SUMF1: variants seen among roughly 807,000 people sequenced by gnomAD.
The protein encoded by SUMF1 is sulfatase modifying factor 1, also known as formylglycine-generating enzyme.
Under a neutral mutation model 47.6 loss-of-function variants are expected in SUMF1, and 48 were observed. That is an observed-to-expected ratio of 1.01 (90% CI 0.80 to 1.28). The LOEUF is 1.28. SUMF1 is among the 50% of genes most tolerant of loss of function. The pLI is 0.00. For synonymous variants in SUMF1, 230 were observed against 192.1 expected (o/e 1.20, Z -1.63); for missense variants, 571 against 485.4 (o/e 1.18, Z -1.66).
chr3:4,258,027 A>T (rs1485667519), intron 8 of SUMF1, among the ~76,000 whole-genome samples: 1 of 151,974 alleles, frequency 6.6e-6, no homozygotes, highest in Non-Finnish European at 1.5e-5. Context: ...TTCCCTATTT[A>T]ATAAATGGTG....
chr3:4,280,684 A>T (rs1259084693), intron 8 of SUMF1, among the ~76,000 whole-genome samples: 10 of 152,192 alleles, frequency 6.6e-5, no homozygotes, highest in Admixed American at 6.5e-4. Flanking sequence ...GAAGTCCAAC[A>T]TCAAGGTGCG....
At chr3:4,324,242 T>A (rs984315269) in intron 8 of SUMF1, among the ~76,000 whole-genome samples, 1 of 152,182 alleles carries the variant, frequency 6.6e-6, no homozygotes, top group Non-Finnish European at 1.5e-5. Flanking sequence ...GTCAAAGACC[T>A]ACACTGACTG....
chr3:4,310,938 CTG>C (rs1698382231), intron 8 of SUMF1, among the ~76,000 whole-genome samples: 1 of 152,202 alleles, frequency 6.6e-6, no homozygotes, highest in Non-Finnish European at 1.5e-5. Context: ...CATTTGAACA[CTG>C]AACCTTTAAA....
At chr3:4,426,112 C>T (rs1702060259) in intron 3 of SUMF1, among the ~76,000 whole-genome samples, 1 of 152,124 alleles carries the variant, frequency 6.6e-6, no homozygotes, top group South Asian at 2.1e-4. Context: ...GGGACACAGC[C>T]AAACCATATC....
chr3:4,152,121 G>C (rs1179323702), intron 8 of SUMF1, among the ~76,000 whole-genome samples: 1 of 151,478 alleles, frequency 6.6e-6, no homozygotes, highest in African/African-American at 2.5e-5. Context: ...GGATCATACA[G>C]AAGCACTACA....
intron 8 of SUMF1, among the ~76,000 whole-genome samples, chr3:4,276,447 G>A (rs151079241): frequency 3.4e-4 from 52 of 152,270 alleles, no homozygotes; most frequent in African/African-American, 1.2e-3. Context: ...CCAATACTCT[G>A]TTGTAGAAGT....
At chr3:4,164,639 G>A (rs1694657806) in intron 8 of SUMF1, among the ~76,000 whole-genome samples, 1 of 152,096 alleles carries the variant, frequency 6.6e-6, no homozygotes, top group African/African-American at 2.4e-5. Flanking sequence ...TTGTCTGAGG[G>A]CCATGACTAA....
intron 8 of SUMF1, among the ~76,000 whole-genome samples, chr3:4,353,370 A>T (rs1266644679): frequency 6.6e-6 from 1 of 152,164 alleles, no homozygotes; most frequent in Non-Finnish European, 1.5e-5. Context: ...CTCCTGCCTC[A>T]GCCTCCCGAG....
Position 4,180,554 on chromosome 3 carries a change from G to A in SUMF1, c.1015-111809C>T, listed in dbSNP as rs1240257691. ...ACCAGGGCCTGTCATGGGGTGGGGGGCTGGGGGAGGGATAGCATTAGGAGA... is the reference window on the plus strand; with the variant it reads ...ACCAGGGCCTGTCATGGGGTGGGGGACTGGGGGAGGGATAGCATTAGGAGA... On this transcript the variant is annotated intron_variant and NMD_transcript_variant, in intron 8 of 12. Transcript: ENST00000448413. Among the ~76,000 whole-genome samples, 8 of 152,042 alleles carry A rather than the reference G, an allele frequency of 5.3e-5. 1 individual carries two copies. Among genetic ancestry groups the A allele is most frequent in the African/African-American group, 1.7e-4 (7 of 41,450 alleles).
At chr3:4,152,628 G>C (rs1694363048) in intron 8 of SUMF1, among the ~76,000 whole-genome samples, 1 of 151,358 alleles carries the variant, frequency 6.6e-6, no homozygotes. Flanking sequence ...ACAGTATGTG[G>C]ATCAGCTCCA....
chr3:4,414,027 C>T (rs562735645), intron 6 of SUMF1, among the ~76,000 whole-genome samples: 1 of 152,120 alleles, frequency 6.6e-6, no homozygotes, highest in African/African-American at 2.4e-5. Context: ...CCACGCCCGG[C>T]TAATTTTTCT....
In SUMF1 at chr3:4,123,533, A is replaced by T. The variant is rs1008458816; in HGVS notation, c.1015-54788T>A. On this transcript the variant is annotated intron_variant and NMD_transcript_variant, in intron 8 of 12. Transcript: ENST00000448413. ...TTCTTCTACTCAAATATAACTGCTA[A>T]CAAGGCTCAGTATGAAACACATGTA... Among the ~76,000 whole-genome samples, 5 of 152,316 alleles carry T rather than the reference A, an allele frequency of 3.3e-5. No individual in the cohort carries two copies. In the South Asian group the frequency reaches 1.0e-3, roughly 32 times the overall value.
At chr3:4,168,118 A>G (rs1051288401) in intron 8 of SUMF1, among the ~76,000 whole-genome samples, 3 of 152,200 alleles carry the variant, frequency 2.0e-5, no homozygotes, top group African/African-American at 7.2e-5. Context: ...AGTGTGGCAC[A>G]CTATATCCCT....
intron 7 of SUMF1, among the ~76,000 whole-genome samples, chr3:4,394,742 G>A (rs568782394): frequency 5.9e-5 from 9 of 152,280 alleles, no homozygotes; most frequent in Non-Finnish European, 1.0e-4. Context: ...TCCAGGCAAG[G>A]CTGCAGCTGT....
intron 8 of SUMF1, among the ~76,000 whole-genome samples, chr3:4,260,789 G>A (rs1224576002): frequency 6.6e-6 from 1 of 152,136 alleles, no homozygotes; most frequent in African/African-American, 2.4e-5. Context: ...TCAGTAACCA[G>A]TAGGCAGATT....
chr3:4,410,344 C>T (rs758855231), intron 7 of SUMF1, among the ~76,000 whole-genome samples: 6 of 152,132 alleles, frequency 3.9e-5, no homozygotes, highest in Non-Finnish European at 7.3e-5. Context: ...TAAGGTGCAT[C>T]GGTCTGACAT....
At chr3:4,250,449 G>C (rs1696775761) in intron 8 of SUMF1, among the ~76,000 whole-genome samples, 1 of 152,128 alleles carries the variant, frequency 6.6e-6, no homozygotes, top group Non-Finnish European at 1.5e-5. Context: ...AGAGCGGATG[G>C]AGAAGCTGCA....
intron 3 of SUMF1, among the ~76,000 whole-genome samples, chr3:4,442,461 G>A (rs916903223): frequency 3.4e-4 from 51 of 151,146 alleles, no homozygotes; most frequent in South Asian, 6.3e-4. Flanking sequence ...GGGTTTCACC[G>A]TTTTAGCCGG....
intron 8 of SUMF1, among the ~76,000 whole-genome samples, chr3:4,198,862 C>G (rs1054385528): frequency 6.6e-6 from 1 of 150,642 alleles, no homozygotes; most frequent in Non-Finnish European, 1.5e-5. Flanking sequence ...AGTATTCTGT[C>G]CAAAAAGAAA....
Sources: gnomAD v4.1 joint callset for allele counts (sites outside exome capture counted in the v4.1 genomes callset) on GRCh38, gnomAD v4.1.1 for gene constraint, MANE v1.5 for transcripts, NCBI Gene and HGNC (gene_info 2026-07-23, HGNC 2026-07-21) for gene names.